The following IFT43 variants were observed in gnomAD, a reference collection of about 807,000 sequenced individuals.
IFT43 encodes intraflagellar transport protein 43 homolog.
A neutral mutation model predicts 32.3 loss-of-function variants in IFT43; 33 were observed. That is an observed-to-expected ratio of 1.02 (90% CI 0.77 to 1.37). IFT43 has a LOEUF of 1.37. Ranked by LOEUF, IFT43 falls within the 40% of genes most tolerant of loss-of-function variation. The pLI is 0.00. For synonymous variants in IFT43, 93 were observed against 98.2 expected (o/e 0.95, Z 0.31); for missense variants, 274 against 265.9 (o/e 1.03, Z -0.21).
At chr14:76,067,020 G>A (rs998888304) in intron 5 of IFT43, among the ~76,000 whole-genome samples, 95 of 152,224 alleles carry the variant, frequency 6.2e-4, no homozygotes, top group Non-Finnish European at 7.5e-4. Flanking sequence ...CCCTTCAGGA[G>A]CTTCTGATCC....
At chr14:76,083,194 C>T (rs368467744) in intron 7 of IFT43, 33 bp from the exon 8 acceptor site, 50 of 1,613,858 alleles carry the variant, frequency 3.1e-5, no homozygotes, top group Admixed American at 6.7e-5. Flanking sequence ...CCTCAAGGTG[C>T]TCAGCCTGAC....
intron 2 of IFT43, among the ~76,000 whole-genome samples, chr14:76,004,019 A>T (rs2035937776): frequency 1.3e-5 from 2 of 152,044 alleles, no homozygotes; most frequent in Admixed American, 1.3e-4. Context: ...CAAGTGATCC[A>T]CCTGCCTCGG....
chr14:76,007,498 C>T (rs2036001600), intron 2 of IFT43, among the ~76,000 whole-genome samples: 1 of 152,162 alleles, frequency 6.6e-6, no homozygotes, highest in African/African-American at 2.4e-5. Context: ...TTCTACTGCT[C>T]TCAGCTTGTT....
chr14:76,002,243 G>A (rs2035900216), intron 2 of IFT43, among the ~76,000 whole-genome samples: 3 of 152,130 alleles, frequency 2.0e-5, no homozygotes, highest in Admixed American at 2.0e-4. Context: ...GTGAAACTGT[G>A]TCTCAAAAAA....
chr14:76,034,321 G>A (rs1382087946), intron 3 of IFT43, among the ~76,000 whole-genome samples: 1 of 152,074 alleles, frequency 6.6e-6, no homozygotes. Flanking sequence ...TGTAAGGAGT[G>A]AGATTTTATG....
rs10130234 is a variant in IFT43 at position 76,013,415 on chromosome 14, C to T, written c.148-8912C>T. ...GGTTCCCTAGCATCTGATCTGTCAC[C>T]TCCGGAAAGGGAAGGCCAACAGTCC... is the stretch of plus-strand genomic sequence containing the variant. On this transcript the variant is annotated intron_variant, in intron 2 of 8. Coordinates refer to ENST00000314067, the MANE Select transcript of IFT43 (RefSeq NM_001102564.3). Among the ~76,000 whole-genome samples, 760 of 152,310 alleles carry T rather than the reference C, an allele frequency of 5.0e-3. 6 individuals are homozygous for T. The highest frequency in any genetic ancestry group is 0.017 in the African/African-American group (721 of 41,560).
Position 76,022,360 on chromosome 14 carries a change from G to A in IFT43, c.181G>A (p.Gly61Arg), listed in dbSNP as rs774249381. The A allele has an allele frequency of 2.5e-6, 4 of 1,613,054 alleles. No individual in the cohort carries two copies. In the East Asian group the frequency reaches 8.9e-5, roughly 36 times the overall value. Reference sequence around the variant, plus strand: ...TGCTAAATTACCTCGCTGCCGACAGGGAGGCTGGGCAGGTGATTCCGTGAA... The same window carrying A: ...TGCTAAATTACCTCGCTGCCGACAGAGAGGCTGGGCAGGTGATTCCGTGAA... ...SSAKLPRCRQ[G>R]GWAGDSVKAS... Residue 61 changes from glycine to arginine, a missense_variant, in exon 3 of 9, where the codon GGA (glycine) becomes AGA (arginine). Gly to Arg is a moderately radical substitution (Grantham distance 125). Coordinates refer to ENST00000314067, the MANE Select transcript of IFT43 (RefSeq NM_001102564.3).
chr14:76,040,441 C>A (rs1488451103), intron 3 of IFT43, among the ~76,000 whole-genome samples: 1 of 152,112 alleles, frequency 6.6e-6, no homozygotes, highest in Admixed American at 6.5e-5. Context: ...CACATAGATC[C>A]CATAGGCTAG....
intron 2 of IFT43, among the ~76,000 whole-genome samples, chr14:76,017,827 T>C (rs904886600): frequency 3.3e-5 from 5 of 152,148 alleles, no homozygotes; most frequent in African/African-American, 1.2e-4. Context: ...GGATTTCCAA[T>C]TTATTAGTAT....
At position 76,062,917 on chromosome 14, in the gene IFT43, C is replaced by CAAAAA. The variant is rs746158153; in HGVS notation, c.295+3564_295+3568dup. ...TGGGCAACAGAGTGAGATCCCATCT[C>CAAAAA]AAAAAAAAAAAAAAAAAAAAAAAAG... On this transcript the variant is annotated intron_variant, in intron 5 of 8. Coordinates refer to ENST00000314067, the MANE Select transcript of IFT43 (RefSeq NM_001102564.3). Among the ~76,000 whole-genome samples, 34 of 72,456 alleles carry CAAAAA rather than the reference C, an allele frequency of 4.7e-4. 3 individuals carry two copies. The highest frequency in any genetic ancestry group is 6.5e-4 in the African/African-American group (11 of 16,870). 47.5% of individuals were successfully genotyped at this position (72,456 alleles called of 152,430 possible). A position where few individuals can be genotyped will look rare whatever the true frequency, so the allele number is the denominator to read the frequency against.
chr14:76,077,816 C>T (rs562576089), intron 5 of IFT43, among the ~76,000 whole-genome samples: 6 of 152,272 alleles, frequency 3.9e-5, no homozygotes, highest in Admixed American at 3.3e-4. Context: ...TACTTCTCAC[C>T]GCCGAGCACC....
chr14:75,999,237 A>G (rs1361071552), intron 2 of IFT43, among the ~76,000 whole-genome samples: 1 of 9,736 alleles, frequency 1.0e-4, no homozygotes, highest in African/African-American at 6.6e-4. Context: ...TTATATATAT[A>G]TATATATATA....
chr14:76,046,479 C>G (rs1489437030), intron 3 of IFT43, among the ~76,000 whole-genome samples: 6 of 151,990 alleles, frequency 3.9e-5, no homozygotes. Context: ...GTAGCCACTC[C>G]CCTGGGCACA....
At position 75,988,982 on chromosome 14, in the gene IFT43, G is replaced by T. The variant is rs534582744; in HGVS notation, c.147+5G>T. The stretch of plus-strand genomic sequence containing the variant: ...TCTTTGACTCTGACTGGAGAGGTGG[G>T]TGCTAAAAAAAAAGAAAATCTGAAG... On this transcript the variant is annotated splice_donor_5th_base_variant and intron_variant, in intron 2 of 8. Coordinates refer to ENST00000314067, the MANE Select transcript of IFT43 (RefSeq NM_001102564.3). 3.1e-6 allele frequency: 5 copies of T among 1,613,546 alleles called. No homozygotes were observed. In the South Asian group the frequency reaches 4.4e-5, roughly 14 times the overall value.
intron 2 of IFT43, among the ~76,000 whole-genome samples, chr14:76,002,005 T>G (rs571996075): frequency 5.8e-4 from 89 of 152,356 alleles, no homozygotes; most frequent in African/African-American, 1.8e-3. Context: ...CCCAGCACTT[T>G]GGGAGGCCAA....
At chr14:76,053,388 T>C (rs1594848721) in intron 3 of IFT43, among the ~76,000 whole-genome samples, 1 of 152,040 alleles carries the variant, frequency 6.6e-6, no homozygotes, top group African/African-American at 2.4e-5. Flanking sequence ...TAAGCGTAGG[T>C]CAGAGAGAAG....
At chr14:76,069,513 A>G (rs958444535) in intron 5 of IFT43, among the ~76,000 whole-genome samples, 15 of 152,138 alleles carry the variant, frequency 9.9e-5, no homozygotes, top group African/African-American at 3.4e-4. Context: ...CAGGAAGTCA[A>G]CTCTGGATAG....
intron 2 of IFT43, among the ~76,000 whole-genome samples, chr14:75,992,901 A>G (rs1279947049): frequency 6.6e-6 from 1 of 152,170 alleles, no homozygotes; most frequent in Non-Finnish European, 1.5e-5. Flanking sequence ...CTGTAAAAGC[A>G]CAGGCCTAGG....
At chr14:75,995,766 C>T (rs1197354187) in intron 2 of IFT43, among the ~76,000 whole-genome samples, 1 of 152,198 alleles carries the variant, frequency 6.6e-6, no homozygotes, top group East Asian at 1.9e-4. Context: ...GCTCTCCAAT[C>T]GGCTGGGTTG....
Sources: gnomAD v4.1 joint callset for allele counts (sites outside exome capture counted in the v4.1 genomes callset) on GRCh38, gnomAD v4.1.1 for gene constraint, MANE v1.5 for transcripts, NCBI Gene and HGNC (gene_info 2026-07-23, HGNC 2026-07-21) for gene names.